The following CD200 variants were observed in gnomAD, a reference collection of about 807,000 sequenced individuals.
CD200 encodes the protein CD200 molecule, also known as OX-2 membrane glycoprotein.
CD200 carries 15 observed loss-of-function variants against 30.9 expected under a neutral mutation model. The ratio of observed to expected loss-of-function variants is 0.49; its 90% CI spans 0.32 to 0.75. The LOEUF (loss-of-function observed/expected upper bound fraction) is 0.75. Ranked by LOEUF, CD200 falls within the 30% of genes least tolerant of loss-of-function variation. CD200 has a pLI of 0.03. For missense variants in CD200, 262 were observed against 324.2 expected (o/e 0.81, Z 1.47); for synonymous variants, 134 against 126.2 (o/e 1.06, Z -0.41).
intron 4 of CD200, among the ~76,000 whole-genome samples, 171 bp downstream of exon 4, chr3:112,348,001 C>G (rs554183547): frequency 6.6e-6 from 1 of 152,258 alleles, no homozygotes; most frequent in South Asian, 2.1e-4. Context: ...ACAAATAAAG[C>G]AAGTTTTACT....
chr3:112,361,308 A>C (rs973428241), intron 5 of CD200, among the ~76,000 whole-genome samples: 2 of 152,030 alleles, frequency 1.3e-5, no homozygotes, highest in African/African-American at 4.8e-5. Flanking sequence ...GGCCTCCTAA[A>C]ACACTGGGCT....
chr3:112,341,060 T>G, intron 2 of CD200, 77 bp downstream of exon 2: 1 of 903,648 alleles, frequency 1.1e-6, no homozygotes, highest in Non-Finnish European at 1.8e-6. Context: ...CAGTATTGTT[T>G]GTGCTGTGCT....
At chr3:112,337,426 T>A (rs2081142458) in intron 1 of CD200, among the ~76,000 whole-genome samples, 1 of 151,910 alleles carries the variant, frequency 6.6e-6, no homozygotes, top group Non-Finnish European at 1.5e-5. Flanking sequence ...AGGCGGGAAA[T>A]TGCGTGGTGC....
At chr3:112,336,317 G>T (rs2081115127) in intron 1 of CD200, among the ~76,000 whole-genome samples, 1 of 152,016 alleles carries the variant, frequency 6.6e-6, no homozygotes, top group Non-Finnish European at 1.5e-5. Flanking sequence ...GGTAAAGGAG[G>T]AGAGATTTAG....
chr3:112,352,540 T>TGA (rs3083141), intron 5 of CD200, among the ~76,000 whole-genome samples: 40 of 149,852 alleles, frequency 2.7e-4, no homozygotes, highest in South Asian at 6.4e-4. Flanking sequence ...GAGGTGGAAC[T>TGA]GAGAGAGAGA....
chr3:112,358,082 G>T (rs964066622), intron 5 of CD200, among the ~76,000 whole-genome samples: 1 of 151,932 alleles, frequency 6.6e-6, no homozygotes, highest in African/African-American at 2.4e-5. Context: ...TCACACACGC[G>T]CACACACACG....
chr3:112,361,002 T>G (rs1299502836), intron 5 of CD200, among the ~76,000 whole-genome samples: 2 of 152,078 alleles, frequency 1.3e-5, no homozygotes, highest in Non-Finnish European at 2.9e-5. Context: ...GCCCTTTTAT[T>G]TTTGCTTCAG....
In CD200 at chr3:112,345,203, C is replaced by A. The variant is rs1486411530; in HGVS notation, c.336C>A (p.Thr112=). The A allele has an allele frequency of 1.9e-6, 3 of 1,613,954 alleles. No individual in the cohort carries two copies. Among genetic ancestry groups the A allele is most frequent in the African/African-American group, 1.3e-5 (1 of 74,904 alleles). ...CAACCATCACCTTCTGGAATATCAC[C>A]CTGGAGGATGAAGGGTGTTACATGT... ...QNSTITFWNI[T]LEDEGCYMCL... Residue 112 remains threonine (T), a synonymous_variant, in exon 3 of 6, where the codon ACC becomes ACA. Coordinates refer to ENST00000315711, the MANE Select transcript of CD200 (RefSeq NM_005944.7).
intron 1 of CD200, among the ~76,000 whole-genome samples, chr3:112,336,738 G>A (rs1041177358): frequency 5.3e-5 from 8 of 152,068 alleles, no homozygotes; most frequent in East Asian, 1.9e-4. Flanking sequence ...AGGAAAAAGT[G>A]GTCAGGACAT....
At position 112,362,437 on chromosome 3, in the gene CD200, C is replaced by G. The variant is rs2081757748; in HGVS notation, c.*887C>G. On this transcript the variant is annotated 3_prime_UTR_variant, in exon 6 of 6. Transcript: ENST00000315711. ...ATATAATGAAAATACATTATGAAAA[C>G]AGATGTTTAGGAGATTTCCTGTATA... 1 of 152,490 alleles carries G rather than the reference C, an allele frequency of 6.6e-6. No individual in the cohort carries two copies. Among genetic ancestry groups the G allele is most frequent in the Non-Finnish European group, 1.5e-5 (1 of 68,032 alleles). The allele number at this position is 152,490 out of a possible 1,614,324, so 9.4% of individuals were successfully genotyped here.
chr3:112,359,918 G>A (rs2081704628), intron 5 of CD200, among the ~76,000 whole-genome samples: 1 of 152,222 alleles, frequency 6.6e-6, no homozygotes, highest in Non-Finnish European at 1.5e-5. Context: ...CTTCGCTGAG[G>A]TGGTGACTTT....
At position 112,340,975 on chromosome 3, in the gene CD200, C is replaced by T. The variant is rs577207612; in HGVS notation, c.86C>T (p.Thr29Ile). 2 of 1,607,686 alleles carry T rather than the reference C, an allele frequency of 1.2e-6. No homozygotes were observed. The highest frequency in any genetic ancestry group is 1.7e-6 in the Non-Finnish European group (2 of 1,174,260). ...VWVMAAVVLCTAQVQVVTQDE... is the reference protein window; with the variant it reads ...VWVMAAVVLCIAQVQVVTQDE... ...GTCATGGCAGCAGTGGTGCTGTGCA[C>T]AGCACAAGGTAAAGAAACTCAATTC... The change falls in exon 2 of 6, where the codon ACA becomes ATA. Residue 29 changes from threonine (T) to isoleucine (I), a missense_variant. Coordinates refer to ENST00000315711, the MANE Select transcript of CD200 (RefSeq NM_005944.7).
intron 5 of CD200, among the ~76,000 whole-genome samples, chr3:112,353,586 T>C (rs2081575670): frequency 6.6e-6 from 1 of 152,202 alleles, no homozygotes; most frequent in African/African-American, 2.4e-5. Context: ...GACTTTCTCC[T>C]ATTTTAAGCT....
In CD200 at chr3:112,340,952, C is replaced by A; in HGVS notation, c.63C>A (p.Val21=). ...TGTCTACCTACAGCCTGGTTTGGGTCATGGCAGCAGTGGTGCTGTGCACAG... is the reference window on the plus strand; with the variant it reads ...TGTCTACCTACAGCCTGGTTTGGGTAATGGCAGCAGTGGTGCTGTGCACAG... The part of the protein sequence containing the change: ...SHLSTYSLVW[V]MAAVVLCTAQ... Residue 21 remains valine (V), a synonymous_variant, in exon 2 of 6, where the codon GTC becomes GTA. Transcript: ENST00000315711. The A allele has an allele frequency of 6.2e-7, 1 of 1,612,764 alleles. No homozygotes were observed. Among genetic ancestry groups the A allele is most frequent in the South Asian group, 1.1e-5 (1 of 90,998 alleles).
In CD200 at chr3:112,345,759, CCTT is replaced by C. The variant is rs2081373167; in HGVS notation, c.421+474_421+476del. ...CTAGCCTTGAGCCAGTTATGATTGT[CCTT>C]CTCATTTTGCTTGGGGAGATAGCTC... On this transcript the variant is annotated intron_variant, in intron 3 of 5. Coordinates refer to ENST00000315711, the MANE Select transcript of CD200 (RefSeq NM_005944.7). Among the ~76,000 whole-genome samples, 6 of 152,310 alleles carry C rather than the reference CCTT, an allele frequency of 3.9e-5. No individual in the cohort carries two copies. In the South Asian group the frequency reaches 1.2e-3, roughly 32 times the overall value.
Position 112,349,797 on chromosome 3 carries a change from A to G in CD200, c.780A>G (p.Lys260=), listed in dbSNP as rs1324325319. 1.5e-5 allele frequency: 24 copies of G among 1,610,480 alleles called. No individual in the cohort carries two copies. The highest frequency in any genetic ancestry group is 3.3e-4 in the Middle Eastern group (2 of 6,076). Residue 260 remains lysine (K), a synonymous_variant, in exon 5 of 6, where the codon AAA becomes AAG. Transcript: ENST00000315711. The part of the protein sequence containing the change: ...LVLISILLYW[K]RHRNQDREP ...TAATCTCAATCTTACTGTACTGGAA[A>G]CGTCACCGGAATCAGGACCGAGGTG... is the stretch of plus-strand genomic sequence containing the variant.
At chr3:112,349,921 T>C in intron 5 of CD200, 102 bp downstream of exon 5, 1 of 1,387,414 alleles carries the variant, frequency 7.2e-7, no homozygotes, top group Non-Finnish European at 9.4e-7. Flanking sequence ...ATGGCAACAA[T>C]GTGTTTTGTC....
chr3:112,361,666 G>A lies in CD200; in HGVS notation c.*116G>A, dbSNP rs1044753135. 5.3e-6 allele frequency: 5 copies of A among 950,956 alleles called. No homozygotes were observed. The East Asian group carries it at 9.5e-5, about 18-fold the overall frequency. The allele number at this position is 950,956 out of a possible 1,614,324, so 58.9% of individuals were successfully genotyped here. The stretch of plus-strand genomic sequence containing the variant: ...GGACCTGAAAGAGCAAAAGAGGTGG[G>A]AGCGAAAGCCTTAAGGATCCCACGA... On this transcript the variant is annotated 3_prime_UTR_variant, in exon 6 of 6. Coordinates refer to ENST00000315711, the MANE Select transcript of CD200 (RefSeq NM_005944.7).
At chr3:112,337,605 A>G (rs1324896184) in intron 1 of CD200, among the ~76,000 whole-genome samples, 1 of 152,252 alleles carries the variant, frequency 6.6e-6, no homozygotes, top group African/African-American at 2.4e-5. Flanking sequence ...AAGGAAAATT[A>G]ATCTGTCAAT....
Sources: gnomAD v4.1 joint callset for allele counts (sites outside exome capture counted in the v4.1 genomes callset) on GRCh38, gnomAD v4.1.1 for gene constraint, MANE v1.5 for transcripts, NCBI Gene and HGNC (gene_info 2026-07-23, HGNC 2026-07-21) for gene names.